The following MISP variants were observed in gnomAD, a reference collection of about 807,000 sequenced individuals.
MISP encodes the protein mitotic interactor and substrate of PLK1.
A neutral mutation model predicts 49.3 loss-of-function variants in MISP; 51 were observed. That is an observed-to-expected ratio of 1.03 (90% CI 0.83 to 1.31). The LOEUF (loss-of-function observed/expected upper bound fraction) is 1.31. Ranked by LOEUF, MISP falls within the 50% of genes most tolerant of loss-of-function variation. The pLI is 0.00. For missense variants in MISP, 1,084 were observed against 935.1 expected, an observed-to-expected ratio of 1.16 and a Z score of -2.08; for synonymous variants, 444 against 392.6, an observed-to-expected ratio of 1.13 and a Z score of -1.55.
At chr19:754,044 A>T (rs1228332104) in intron 1 of MISP, among the ~76,000 whole-genome samples, 1 of 152,080 alleles carries the variant, frequency 6.6e-6, no homozygotes, top group Non-Finnish European at 1.5e-5. Flanking sequence ...TCTGCTGGAC[A>T]CGGTGGCTCA....
chr19:756,709 C>T (rs8101189), intron 1 of MISP, among the ~76,000 whole-genome samples, 181 bp from the exon 2 acceptor site: 2,145 of 152,214 alleles, frequency 0.014, 26 homozygotes, highest in Middle Eastern at 0.065. Flanking sequence ...TTACGCACCC[C>T]TAAACCAATC....
Position 757,756 on chromosome 19 carries a change from C to G in MISP, c.810C>G (p.Val270=), listed in dbSNP as rs374887769. The G allele has an allele frequency of 1.9e-5, 31 of 1,613,742 alleles. No individual in the cohort carries two copies. The African/African-American group carries it at 3.1e-4, about 16-fold the overall frequency. Residue 270 remains valine, a synonymous_variant, in exon 2 of 5, where the codon GTC becomes GTG. Coordinates refer to ENST00000215582, the MANE Select transcript of MISP (RefSeq NM_173481.4). ...KVRAVPTWAS[V]QVVDDPGSLA... is the part of the protein sequence containing the mutation. ...GTGCTGTGCCCACCTGGGCCAGTGT[C>G]CAAGTTGTGGATGACCCTGGCTCCT...
chr19:761,051 G>A lies in MISP; in HGVS notation c.1912-574G>A, dbSNP rs182864701. On this transcript the variant is annotated intron_variant, in intron 3 of 4. Coordinates refer to ENST00000215582, the MANE Select transcript of MISP (RefSeq NM_173481.4). ...TTCCTCACGTCACTTTTAATGACAC[G>A]AGGAATATTTAGTGCCATGAGGAAT... is the stretch of plus-strand genomic sequence containing the variant. Among the ~76,000 whole-genome samples, 28 of 149,916 alleles carry A rather than the reference G, an allele frequency of 1.9e-4. No individual in the cohort carries two copies. In the East Asian group the frequency reaches 2.6e-3, roughly 14 times the overall value.
At position 757,499 on chromosome 19, in the gene MISP, G is replaced by C; in HGVS notation, c.553G>C (p.Val185Leu). ...PPRSTPLEENVVDREQIDFLA... is the reference protein window; with the variant it reads ...PPRSTPLEENLVDREQIDFLA... Reference sequence around the variant, plus strand: ...TCGGTCCACGCCCCTGGAGGAGAACGTGGTTGACAGGGAGCAGATTGACTT... The same window carrying C: ...TCGGTCCACGCCCCTGGAGGAGAACCTGGTTGACAGGGAGCAGATTGACTT... The change falls in exon 2 of 5, where the codon GTG (valine) becomes CTG (leucine). Residue 185 changes from valine (V) to leucine (L), a missense_variant. Transcript: ENST00000215582. 6.2e-7 allele frequency: 1 copy of C among 1,603,642 alleles called. No homozygotes were observed. The highest frequency in any genetic ancestry group is 8.5e-7 in the Non-Finnish European group (1 of 1,175,804).
chr19:753,097 C>T (rs577724805), intron 1 of MISP, among the ~76,000 whole-genome samples: 11 of 152,276 alleles, frequency 7.2e-5, no homozygotes, highest in South Asian at 2.1e-4. Context: ...CAAGGCCTTC[C>T]GTGAGCTGGG....
rs554605500 is a variant in MISP, at chr19:758,338, G to C, written c.1392G>C (p.Thr464=). Residue 464 remains threonine (T), a synonymous_variant, in exon 2 of 5, where the codon ACG becomes ACC. Coordinates refer to ENST00000215582, the MANE Select transcript of MISP (RefSeq NM_173481.4). ...AGGCTGCGACTTCACCAAAGGCCACGATGTCCCCGAGGCATCTCTCAGAAT... is the reference window on the plus strand; with the variant it reads ...AGGCTGCGACTTCACCAAAGGCCACCATGTCCCCGAGGCATCTCTCAGAAT... ...EAKAATSPKA[T]MSPRHLSESS... The C allele has an allele frequency of 6.2e-7, 1 of 1,614,162 alleles. No homozygotes were observed. The highest frequency in any genetic ancestry group is 1.7e-5 in the Admixed American group (1 of 60,036).
upstream of MISP, among the ~76,000 whole-genome samples, chr19:749,847 A>G (rs374014022): frequency 6.7e-6 from 1 of 149,966 alleles, no homozygotes; most frequent in African/African-American, 2.5e-5. Context: ...CAAAAAAAGC[A>G]CCCCCCTCCT....
At chr19:756,163 G>A (rs1446331536) in intron 1 of MISP, among the ~76,000 whole-genome samples, 2 of 152,196 alleles carry the variant, frequency 1.3e-5, no homozygotes, top group South Asian at 2.1e-4. Context: ...CAAGCAAGCT[G>A]TACCCACTGG....
At chr19:750,052 C>T (rs1417532120), upstream of MISP, among the ~76,000 whole-genome samples, 1 of 152,108 alleles carries the variant, frequency 6.6e-6, no homozygotes. Flanking sequence ...GACTTCCCCA[C>T]AGATGCTGGG....
chr19:752,353 A>G (rs12981303), intron 1 of MISP, among the ~76,000 whole-genome samples: 6 of 152,134 alleles, frequency 3.9e-5, no homozygotes, highest in East Asian at 1.9e-4. Flanking sequence ...GTGAAACCCC[A>G]TCTCTACTAA....
rs761908200 is a variant in MISP, at chr19:761,624, G to A, written c.1912-1G>A. 1.9e-5 allele frequency: 31 copies of A among 1,613,978 alleles called. No homozygotes were observed. Among genetic ancestry groups the A allele is most frequent in the Non-Finnish European group, 2.5e-5 (30 of 1,180,014 alleles). ...GGCTGACTTGTGTTCCTTTCCTGTA[G>A]TACGCTGGCATCAACCCCTCGGACG... On this transcript the variant is annotated splice_acceptor_variant, in intron 3 of 4. Transcript: ENST00000215582. LOFTEE classifies it high-confidence loss of function.
At chr19:759,552 T>A (rs563821680) in intron 2 of MISP, among the ~76,000 whole-genome samples, 174 of 152,012 alleles carry the variant, frequency 1.1e-3, no homozygotes, top group Middle Eastern at 6.8e-3. Flanking sequence ...GGCGCCTGCC[T>A]CCACGCCTGG....
chr19:754,018 A>C (rs12982507), intron 1 of MISP, among the ~76,000 whole-genome samples: 2 of 152,048 alleles, frequency 1.3e-5, no homozygotes, highest in East Asian at 3.9e-4. Context: ...CCTTTCCTCA[A>C]CTATGAAAGA....
upstream of MISP, among the ~76,000 whole-genome samples, chr19:748,608 G>T (rs1157892045): frequency 2.0e-5 from 3 of 152,138 alleles, no homozygotes; most frequent in Non-Finnish European, 2.9e-5. Flanking sequence ...CCTGTCCTTT[G>T]TTCCTCCCTT....
In MISP at chr19:761,644, C is replaced by T. The variant is rs567372263; in HGVS notation, c.1931C>T (p.Ser644Leu). Residue 644 changes from serine to leucine, a missense_variant, in exon 4 of 5, where the codon TCG becomes TTG. Ser to Leu is a moderately radical substitution (Grantham distance 145, BLOSUM62 -2). Transcript: ENST00000215582. ...KEQWYAGINP[S>L]DGINSEVLEA... ...CTGTAGTACGCTGGCATCAACCCCT[C>T]GGACGGTATCAACTCAGAGGTGAGT... The T allele has an allele frequency of 3.5e-5, 56 of 1,614,108 alleles. No individual in the cohort carries two copies. The highest frequency in any genetic ancestry group is 4.3e-5 in the Non-Finnish European group (51 of 1,180,012).
intron 1 of MISP, among the ~76,000 whole-genome samples, chr19:756,071 G>C (rs537550090): frequency 6.6e-6 from 1 of 152,158 alleles, no homozygotes; most frequent in Non-Finnish European, 1.5e-5. Context: ...GGTAGTAACC[G>C]GGACATTCAG....
rs1167797738 is a variant in MISP, at chr19:763,889, A to G, written c.*299A>G. 2.8e-6 allele frequency: 1 copy of G among 360,630 alleles called. No individual in the cohort carries two copies. The highest frequency in any genetic ancestry group is 5.2e-6 in the Non-Finnish European group (1 of 193,644). The allele number at this position is 360,630 out of a possible 1,614,324, so 22.3% of individuals were successfully genotyped here. A position where few individuals can be genotyped will look rare whatever the true frequency, so the allele number is the denominator to read the frequency against. On this transcript the variant is annotated 3_prime_UTR_variant, in exon 5 of 5. Coordinates refer to ENST00000215582, the MANE Select transcript of MISP (RefSeq NM_173481.4). ...GCCAAATGCCCTGGGTCTAAGAAAG[A>G]AAGAGACCCGCTCCTCCACTTTCAG...
At chr19:749,779 G>A (rs1216269055), upstream of MISP, among the ~76,000 whole-genome samples, 1 of 152,042 alleles carries the variant, frequency 6.6e-6, no homozygotes, top group African/African-American at 2.4e-5. Flanking sequence ...AGCCGAGATC[G>A]TGCCACTGCA....
chr19:758,776 T>C, intron 2 of MISP, 50 bp downstream of exon 2: 2 of 1,527,724 alleles, frequency 1.3e-6, no homozygotes, highest in Non-Finnish European at 1.8e-6. Context: ...TCTCAGAGGT[T>C]GGAGCAGGGG....
Sources: gnomAD v4.1 joint callset for allele counts (sites outside exome capture counted in the v4.1 genomes callset) on GRCh38, gnomAD v4.1.1 for gene constraint, MANE v1.5 for transcripts, NCBI Gene and HGNC (gene_info 2026-07-23, HGNC 2026-07-21) for gene names.